Variants in CSTA observed in about 807,000 individuals in gnomAD.
CSTA encodes cystatin A, also known as cystatin-A.
In CSTA, 9 loss-of-function variants were observed where a neutral mutation model predicts 9.2. That is an observed-to-expected ratio of 0.97 (90% CI 0.59 to 1.70). The LOEUF is 1.70. Ranked by LOEUF, CSTA falls within the 40% of genes most tolerant of loss-of-function variation. The pLI, the probability that CSTA is intolerant of heterozygous loss-of-function variation, is 0.00. For missense variants in CSTA, 118 were observed against 113.1 expected, an observed-to-expected ratio of 1.04 and a Z score of -0.20; for synonymous variants, 36 against 40.6, an observed-to-expected ratio of 0.89 and a Z score of 0.43.
intron 1 of CSTA, among the ~76,000 whole-genome samples, chr3:122,336,309 G>T (rs1022577288): frequency 6.6e-6 from 1 of 152,150 alleles, no homozygotes; most frequent in Non-Finnish European, 1.5e-5. Context: ...TGTAGAGTCA[G>T]AAAGTAAGGA....
chr3:122,333,778 G>A (rs577495653), intron 1 of CSTA, among the ~76,000 whole-genome samples: 3 of 152,080 alleles, frequency 2.0e-5, no homozygotes, highest in Admixed American at 6.5e-5. Context: ...CTTAGGATAC[G>A]TGCTTAAAAA....
chr3:122,334,992 C>T (rs574235997), intron 1 of CSTA, among the ~76,000 whole-genome samples: 1 of 152,314 alleles, frequency 6.6e-6, no homozygotes, highest in South Asian at 2.1e-4. Flanking sequence ...TTCCTTCTCC[C>T]TCACTGTCCT....
intron 1 of CSTA, among the ~76,000 whole-genome samples, chr3:122,335,262 C>T (rs1377284063): frequency 6.6e-6 from 1 of 152,154 alleles, no homozygotes; most frequent in African/African-American, 2.4e-5. Flanking sequence ...ATGTCCTAAT[C>T]CCTGGAACCT....
Position 122,337,595 on chromosome 3 carries a change from G to T in CSTA, c.115G>T (p.Glu39Ter), listed in dbSNP as rs990073206. 5 of 1,613,536 alleles carry T rather than the reference G, an allele frequency of 3.1e-6. No homozygotes were observed. The highest frequency in any genetic ancestry group is 4.2e-6 in the Non-Finnish European group (5 of 1,179,546). ...AACAAATGAGACTTACGGAAAATTGGAAGCTGTGCAGTATAAAACTCAAGT... is the reference window on the plus strand; with the variant it reads ...AACAAATGAGACTTACGGAAAATTGTAAGCTGTGCAGTATAAAACTCAAGT... ...EKTNETYGKL[E>*]AVQYKTQVVA... The change falls in exon 2 of 3, where the codon GAA becomes TAA. Residue 39 changes from glutamate (E) to a stop codon, truncating the protein, a stop_gained. Coordinates refer to ENST00000264474, the MANE Select transcript of CSTA (RefSeq NM_005213.4). LOFTEE classifies it high-confidence loss of function.
chr3:122,331,370 C>A (rs536042414), intron 1 of CSTA, among the ~76,000 whole-genome samples: 5 of 152,248 alleles, frequency 3.3e-5, no homozygotes, highest in African/African-American at 1.2e-4. Context: ...ACCCAAAGAA[C>A]CTGTCATTCA....
chr3:122,333,951 G>A (rs949583674), intron 1 of CSTA, among the ~76,000 whole-genome samples: 1 of 152,154 alleles, frequency 6.6e-6, no homozygotes, highest in Non-Finnish European at 1.5e-5. Flanking sequence ...TGGATACTTT[G>A]GGGGTTAGTG....
chr3:122,330,878 C>G (rs148282344), intron 1 of CSTA, among the ~76,000 whole-genome samples: 4 of 152,212 alleles, frequency 2.6e-5, no homozygotes, highest in Non-Finnish European at 5.9e-5. Flanking sequence ...GAGCCATACA[C>G]AGGCCCATTC....
intron 2 of CSTA, among the ~76,000 whole-genome samples, chr3:122,339,582 G>T (rs1169327001): frequency 6.6e-6 from 1 of 152,202 alleles, no homozygotes; most frequent in Non-Finnish European, 1.5e-5. Context: ...GCCTGGTGTG[G>T]TGGCTTATAC....
intron 1 of CSTA, among the ~76,000 whole-genome samples, chr3:122,330,613 A>G (rs767227033): frequency 6.6e-6 from 1 of 152,244 alleles, no homozygotes; most frequent in Non-Finnish European, 1.5e-5. Context: ...ACCATGTACT[A>G]AAGTACACTT....
At position 122,335,821 on chromosome 3, in the gene CSTA, G is replaced by A. The variant is rs919102537; in HGVS notation, c.67-1726G>A. On this transcript the variant is annotated intron_variant, in intron 1 of 2. Coordinates refer to ENST00000264474, the MANE Select transcript of CSTA (RefSeq NM_005213.4). ...TAATTTTTGTATTTTTAGTAGAGAC[G>A]GGGTTTCATCATGTTGGTCACACTG... Among the ~76,000 whole-genome samples, 11 of 151,790 alleles carry A rather than the reference G, an allele frequency of 7.2e-5. No homozygotes were observed. The South Asian group carries it at 1.0e-3, about 14-fold the overall frequency.
chr3:122,338,499 C>CAA (rs58446448), intron 2 of CSTA, among the ~76,000 whole-genome samples: 4 of 140,146 alleles, frequency 2.9e-5, no homozygotes, highest in Non-Finnish European at 1.6e-5. Context: ...ATTTTTTCAG[C>CAA]AAAAAAAAAA....
At chr3:122,333,734 GA>G (rs1559981748) in intron 1 of CSTA, among the ~76,000 whole-genome samples, 2 of 144,498 alleles carry the variant, frequency 1.4e-5, no homozygotes, top group African/African-American at 2.6e-5. Context: ...AAGAAAGAAA[GA>G]GAAAGAAAGA....
At chr3:122,326,193 G>GGTTTT (rs564541036) in intron 1 of CSTA, among the ~76,000 whole-genome samples, 15 of 151,868 alleles carry the variant, frequency 9.9e-5, no homozygotes, top group Admixed American at 2.6e-4. Context: ...TGATTTGGGG[G>GGTTTT]GTTTTGTTTT....
intron 2 of CSTA, among the ~76,000 whole-genome samples, chr3:122,338,689 C>T (rs995832505): frequency 6.6e-6 from 1 of 152,124 alleles, no homozygotes; most frequent in Non-Finnish European, 1.5e-5. Flanking sequence ...GGCACCATTT[C>T]CTCCATTCTC....
chr3:122,332,371 C>T (rs2075209921), intron 1 of CSTA, among the ~76,000 whole-genome samples: 1 of 152,202 alleles, frequency 6.6e-6, no homozygotes, highest in Non-Finnish European at 1.5e-5. Context: ...GTCCACAAGT[C>T]ACATCTTACT....
At chr3:122,328,316 C>A (rs1370541142) in intron 1 of CSTA, among the ~76,000 whole-genome samples, 5 of 151,958 alleles carry the variant, frequency 3.3e-5, no homozygotes, top group Non-Finnish European at 7.4e-5. Flanking sequence ...GCCTGGCCAA[C>A]ATGGTGAAAC....
At chr3:122,329,084 GC>G (rs1199097259) in intron 1 of CSTA, among the ~76,000 whole-genome samples, 3 of 149,330 alleles carry the variant, frequency 2.0e-5, no homozygotes, top group Non-Finnish European at 4.4e-5. Flanking sequence ...TCCTGCCTCA[GC>G]CCCCCGAGTA....
At chr3:122,336,120 C>T (rs1201316682) in intron 1 of CSTA, among the ~76,000 whole-genome samples, 1 of 152,116 alleles carries the variant, frequency 6.6e-6, no homozygotes, top group Admixed American at 6.5e-5. Flanking sequence ...TTTTGTAGCC[C>T]TTTCCACTGA....
Position 122,341,843 on chromosome 3 carries a change from C to A in CSTA, c.*276C>A. On this transcript the variant is annotated 3_prime_UTR_variant, in exon 3 of 3. Coordinates refer to ENST00000264474, the MANE Select transcript of CSTA (RefSeq NM_005213.4). The stretch of plus-strand genomic sequence containing the variant: ...TGGCTAAAGGATAGTACCACCCTCA[C>A]CCCCACCATAGGCAGGCTGGATCGT... The A allele has an allele frequency of 2.5e-6, 1 of 402,978 alleles. No homozygotes were observed. Among genetic ancestry groups the A allele is most frequent in the Non-Finnish European group, 4.6e-6 (1 of 216,084 alleles). The allele number at this position is 402,978 out of a possible 1,614,324, so 25.0% of individuals were successfully genotyped here.
Sources: allele counts gnomAD v4.1 joint callset (sites outside exome capture counted in the v4.1 genomes callset), GRCh38; gene constraint gnomAD v4.1.1; transcripts MANE v1.5; gene names NCBI Gene and HGNC (gene_info 2026-07-23, HGNC 2026-07-21).